ENOX1: variants seen among roughly 807,000 people sequenced by gnomAD.
ENOX1 encodes ecto-NOX disulfide-thiol exchanger 1, also known as candidate growth-related and time keeping constitutive hydroquinone (NADH) oxidase.
Under a neutral mutation model 82.5 loss-of-function variants are expected in ENOX1, and 42 were observed. That is an observed-to-expected ratio of 0.51 (90% confidence interval 0.40 to 0.66). ENOX1 has a LOEUF of 0.66. ENOX1 is among the 30% of genes least tolerant of loss of function. ENOX1 has a pLI of 0.00. For missense variants in ENOX1, 608 were observed against 811.6 expected (o/e 0.75, Z 3.05); for synonymous variants, 271 against 282.2 (o/e 0.96, Z 0.40).
chr13:43,551,269 T>C lies in ENOX1; in HGVS notation c.-218-67117A>G, dbSNP rs531934408. ...AGATCAAGTTCAGGGGATAATTTAT[T>C]TTCTAAAAATTATGTGGCCTTTCTT... On this transcript the variant is annotated intron_variant, in intron 2 of 16. Coordinates refer to ENST00000690772, the MANE Select transcript of ENOX1 (RefSeq NM_001347969.2). Among the ~76,000 whole-genome samples, 3 of 152,306 alleles carry C rather than the reference T, an allele frequency of 2.0e-5. No individual in the cohort carries two copies. In the South Asian group the frequency reaches 6.2e-4, roughly 32 times the overall value.
At chr13:43,726,448 C>A (rs2088963724) in intron 1 of ENOX1, among the ~76,000 whole-genome samples, 1 of 152,022 alleles carries the variant, frequency 6.6e-6, no homozygotes, top group Non-Finnish European at 1.5e-5. Flanking sequence ...AACTCCTGAC[C>A]TCAAGTGATC....
At chr13:43,459,336 C>T (rs1331732166) in intron 3 of ENOX1, 1 of 152,162 alleles carries the variant, frequency 6.6e-6, no homozygotes, top group Non-Finnish European at 1.5e-5. Context: ...AGACTGGCTA[C>T]CCAGTGCTCA....
At chr13:43,601,588 C>A (rs191149063) in intron 2 of ENOX1, among the ~76,000 whole-genome samples, 3 of 152,006 alleles carry the variant, frequency 2.0e-5, no homozygotes, top group East Asian at 3.9e-4. Context: ...GAGTCATTGG[C>A]CTTAAAGAAG....
chr13:43,702,717 G>A (rs772115477), intron 1 of ENOX1, among the ~76,000 whole-genome samples: 25 of 152,124 alleles, frequency 1.6e-4, no homozygotes, highest in African/African-American at 4.1e-4. Flanking sequence ...TTGGGAGGCC[G>A]AGGTGGGTGG....
chr13:43,431,397 C>T (rs1389291067), intron 3 of ENOX1, among the ~76,000 whole-genome samples: 1 of 152,078 alleles, frequency 6.6e-6, no homozygotes, highest in Non-Finnish European at 1.5e-5. Flanking sequence ...CTGGGCCCTT[C>T]TCTGACGAAA....
intron 8 of ENOX1, among the ~76,000 whole-genome samples, chr13:43,355,682 C>A (rs1161177909): frequency 6.6e-6 from 1 of 152,178 alleles, no homozygotes; most frequent in African/African-American, 2.4e-5. Context: ...TGGAAAGGGG[C>A]AGGGGTCTGT....
chr13:43,419,400 G>C (rs964771042), intron 3 of ENOX1, among the ~76,000 whole-genome samples: 1 of 151,978 alleles, frequency 6.6e-6, no homozygotes, highest in Non-Finnish European at 1.5e-5. Flanking sequence ...TAAACAGTTA[G>C]TCAAGCATGG....
intron 1 of ENOX1, among the ~76,000 whole-genome samples, chr13:43,701,124 G>C (rs2086884760): frequency 6.6e-6 from 1 of 152,138 alleles, no homozygotes; most frequent in Non-Finnish European, 1.5e-5. Flanking sequence ...TTTTGCAAGA[G>C]ACTCCACGAA....
At chr13:43,490,472 C>T (rs1342764839) in intron 2 of ENOX1, among the ~76,000 whole-genome samples, 1 of 151,936 alleles carries the variant, frequency 6.6e-6, no homozygotes, top group Non-Finnish European at 1.5e-5. Context: ...GGGAGAGGGG[C>T]CAGGGTAGAA....
At chr13:43,286,350 AG>A in intron 12 of ENOX1, among the ~76,000 whole-genome samples, 1 of 152,330 alleles carries the variant, frequency 6.6e-6, no homozygotes, top group Admixed American at 6.5e-5. Flanking sequence ...ATAGACTGTA[AG>A]TCAGGAGGCA....
intron 1 of ENOX1, among the ~76,000 whole-genome samples, chr13:43,708,922 G>T (rs937535131): frequency 6.6e-6 from 1 of 152,004 alleles, no homozygotes; most frequent in African/African-American, 2.4e-5. Flanking sequence ...AAATGAAACG[G>T]CAAGCCATAG....
intron 1 of ENOX1, among the ~76,000 whole-genome samples, chr13:43,781,625 T>C (rs1001557170): frequency 1.3e-5 from 2 of 152,150 alleles, no homozygotes; most frequent in African/African-American, 2.4e-5. Flanking sequence ...GCGATTCTCC[T>C]GCCTCAGCCC....
At chr13:43,782,111 T>C (rs1952304671) in intron 1 of ENOX1, among the ~76,000 whole-genome samples, 1 of 152,184 alleles carries the variant, frequency 6.6e-6, no homozygotes, top group Admixed American at 6.5e-5. Context: ...TATTCTATCA[T>C]AGGAATGAAA....
chr13:43,427,213 C>A (rs1389909106), intron 3 of ENOX1, among the ~76,000 whole-genome samples: 15 of 152,138 alleles, frequency 9.9e-5, no homozygotes, highest in Non-Finnish European at 4.4e-5. Flanking sequence ...TCCTTATCTG[C>A]CAGCCAACAC....
chr13:43,542,982 C>T (rs963268559), intron 2 of ENOX1, among the ~76,000 whole-genome samples: 2 of 152,084 alleles, frequency 1.3e-5, no homozygotes, highest in Non-Finnish European at 2.9e-5. Context: ...GGCTACGTGA[C>T]CCAATCACCT....
intron 3 of ENOX1, among the ~76,000 whole-genome samples, chr13:43,480,395 G>A (rs148987645): frequency 6.6e-6 from 1 of 152,270 alleles, no homozygotes; most frequent in East Asian, 1.9e-4. Flanking sequence ...GAAATGTAGG[G>A]AACTTAAGAG....
intron 5 of ENOX1, among the ~76,000 whole-genome samples, chr13:43,406,659 A>AT (rs1212833481): frequency 2.0e-5 from 3 of 151,514 alleles, no homozygotes; most frequent in Non-Finnish European, 4.4e-5. Context: ...TGCCCTGCTA[A>AT]TTTTTTTGTA....
At chr13:43,618,376 G>A (rs1253778991) in intron 2 of ENOX1, among the ~76,000 whole-genome samples, 2 of 152,128 alleles carry the variant, frequency 1.3e-5, no homozygotes, top group East Asian at 3.8e-4. Context: ...TATAGTTTCA[G>A]GTATCAGGTT....
At chr13:43,471,006 T>C (rs1289441603) in intron 3 of ENOX1, among the ~76,000 whole-genome samples, 1 of 152,204 alleles carries the variant, frequency 6.6e-6, no homozygotes, top group Non-Finnish European at 1.5e-5. Context: ...ATCCTACTTT[T>C]AGATGTTGAC....
Sources: gnomAD v4.1 joint callset for allele counts (sites outside exome capture counted in the v4.1 genomes callset) on GRCh38, gnomAD v4.1.1 for gene constraint, MANE v1.5 for transcripts, NCBI Gene and HGNC (gene_info 2026-07-23, HGNC 2026-07-21) for gene names.